IL27RA: variants seen among roughly 807,000 people sequenced by gnomAD.
The protein encoded by IL27RA is interleukin-27 receptor subunit alpha.
A neutral mutation model predicts 80.8 loss-of-function variants in IL27RA; 61 were observed. That is an observed-to-expected ratio of 0.76 (90% CI 0.61 to 0.93). IL27RA has a LOEUF of 0.93. IL27RA is among the 40% of genes least tolerant of loss of function. The pLI, the probability that IL27RA is intolerant of heterozygous loss-of-function variation, is 0.00. For synonymous variants in IL27RA, 316 were observed against 332.5 expected, an observed-to-expected ratio of 0.95 and a Z score of 0.54; for missense variants, 735 against 808.1, an observed-to-expected ratio of 0.91 and a Z score of 1.10.
At position 14,049,430 on chromosome 19, in the gene IL27RA, C is replaced by T. The variant is rs532926636; in HGVS notation, c.1402+116C>T. The T allele has an allele frequency of 1.1e-4, 101 of 941,020 alleles. No homozygotes were observed. In the East Asian group the frequency reaches 2.7e-3, roughly 25 times the overall value. The allele number at this position is 941,020 out of a possible 1,614,324, so 58.3% of individuals were successfully genotyped here. On this transcript the variant is annotated intron_variant, in intron 10 of 13. Transcript: ENST00000263379. ...TTGGCCCAGGGACCATACATGGTGT[C>T]CTCAATTCCCTCTTGGCTATCAATG...
chr19:14,032,934 G>C (rs1975844005), intron 2 of IL27RA, among the ~76,000 whole-genome samples: 1 of 151,448 alleles, frequency 6.6e-6, no homozygotes, highest in Non-Finnish European at 1.5e-5. Flanking sequence ...CCCTGGGCAA[G>C]TCACTTTCCC....
chr19:14,039,986 G>T, intron 4 of IL27RA, 76 bp downstream of exon 4: 1 of 1,437,270 alleles, frequency 7.0e-7, no homozygotes, highest in Non-Finnish European at 9.6e-7. Flanking sequence ...CTGAGACCCA[G>T]CCCAGGACTC....
intron 2 of IL27RA, among the ~76,000 whole-genome samples, chr19:14,035,439 A>C (rs1294117078): frequency 6.6e-6 from 1 of 151,862 alleles, no homozygotes; most frequent in African/African-American, 2.4e-5. Context: ...CTTGTTGCCC[A>C]GGCTGGAGTG....
In IL27RA at chr19:14,043,500, C is replaced by G. The variant is rs1044902328; in HGVS notation, c.768+711C>G. Among the ~76,000 whole-genome samples the G allele has an allele frequency of 2.0e-5, 3 of 151,832 alleles. No homozygotes were observed. The South Asian group carries it at 6.2e-4, about 31-fold the overall frequency. ...AGCAGCGTCATCTCATCTCAGCTCA[C>G]TGCAACCTCCACCTCCCAGGTTCAA... On this transcript the variant is annotated intron_variant, in intron 6 of 13. Coordinates refer to ENST00000263379, the MANE Select transcript of IL27RA (RefSeq NM_004843.4).
At chr19:14,047,778 C>T (rs1460989406) in intron 8 of IL27RA, among the ~76,000 whole-genome samples, 5 of 150,952 alleles carry the variant, frequency 3.3e-5, no homozygotes, top group African/African-American at 7.3e-5. Flanking sequence ...CTCAGCCTCC[C>T]GAGCAACTGG....
intron 12 of IL27RA, 74 bp downstream of exon 12, chr19:14,051,774 G>C: frequency 7.0e-7 from 1 of 1,431,764 alleles, no homozygotes; most frequent in Non-Finnish European, 9.8e-7. Context: ...CTTCCAGGGG[G>C]CTTGAAGGGA....
Position 14,042,438 on chromosome 19 carries a change from C to A in IL27RA, c.535-15C>A. On this transcript the variant is annotated splice_polypyrimidine_tract_variant and intron_variant, in intron 4 of 13. Coordinates refer to ENST00000263379, the MANE Select transcript of IL27RA (RefSeq NM_004843.4). The stretch of plus-strand genomic sequence containing the variant: ...CAGGCCCTGGGCCCATCACGCTCGC[C>A]TGTCTCTCCCCCAGCTGGAACCGGA... 2 of 1,612,446 alleles carry A rather than the reference C, an allele frequency of 1.2e-6. No individual in the cohort carries two copies. The highest frequency in any genetic ancestry group is 8.5e-7 in the Non-Finnish European group (1 of 1,178,908).
At chr19:14,046,374 G>A in intron 7 of IL27RA, 37 bp downstream of exon 7, 1 of 1,613,792 alleles carries the variant, frequency 6.2e-7, no homozygotes, top group Non-Finnish European at 8.5e-7. Context: ...CGGTGCCCTG[G>A]AGGGGTGGGA....
chr19:14,046,699 A>C, intron 8 of IL27RA, 81 bp downstream of exon 8: 1 of 1,348,794 alleles, frequency 7.4e-7, no homozygotes, highest in Non-Finnish European at 1.0e-6. Flanking sequence ...GAGTGCTATG[A>C]TTAAAGTAGC....
Position 14,039,864 on chromosome 19 carries a change from T to A in IL27RA, c.488T>A (p.Ile163Asn). The A allele has an allele frequency of 6.2e-7, 1 of 1,614,122 alleles. No individual in the cohort carries two copies. Among genetic ancestry groups the A allele is most frequent in the Non-Finnish European group, 8.5e-7 (1 of 1,180,022 alleles). The part of the protein sequence containing the change: ...PPTWPSHKVL[I>N]CQFHYRRCQE... ...ACATGGCCATCTCATAAAGTTCTGATCTGCCAGTTCCACTACCGAAGATGT... is the reference window on the plus strand; with the variant it reads ...ACATGGCCATCTCATAAAGTTCTGAACTGCCAGTTCCACTACCGAAGATGT... Residue 163 changes from isoleucine to asparagine, a missense_variant, in exon 4 of 14, where the codon ATC becomes AAC. By Grantham distance (149) the Ile-to-Asn change is moderately radical. Coordinates refer to ENST00000263379, the MANE Select transcript of IL27RA (RefSeq NM_004843.4).
chr19:14,033,751 G>C (rs1351185802), intron 2 of IL27RA, among the ~76,000 whole-genome samples: 2 of 152,012 alleles, frequency 1.3e-5, no homozygotes, highest in African/African-American at 4.8e-5. Context: ...CAGATCACGA[G>C]GTCAGGAGTT....
chr19:14,032,092 G>A, intron 1 of IL27RA, 120 bp downstream of exon 1: 1 of 890,782 alleles, frequency 1.1e-6, no homozygotes, highest in Non-Finnish European at 1.7e-6. Flanking sequence ...GGCGCCACTC[G>A]GCTCCTCCCG....
rs968464483 is a variant in IL27RA, at chr19:14,046,222, A to G, written c.837A>G (p.Pro279=). Residue 279 remains proline, a synonymous_variant, in exon 7 of 14, where the codon CCA becomes CCG. Transcript: ENST00000263379. ...GGGTTGGAGGTCGTGAGCTGAGTCC[A>G]GAAGGAATTACCTGCTGCTGCTCCC... is the stretch of plus-strand genomic sequence containing the variant. ...WFWVGGRELS[P]EGITCCCSLI... is the part of the protein sequence containing the mutation. The G allele has an allele frequency of 1.2e-6, 2 of 1,614,072 alleles. No individual in the cohort carries two copies. Among genetic ancestry groups the G allele is most frequent in the African/African-American group, 2.7e-5 (2 of 74,926 alleles).
At chr19:14,048,929 A>C (rs2145695982) in intron 8 of IL27RA, 52 bp from the exon 9 acceptor site, 1 of 1,482,320 alleles carries the variant, frequency 6.7e-7, no homozygotes, top group East Asian at 2.3e-5. Context: ...CTAGGAAATG[A>C]GCATGGGAAG....
intron 2 of IL27RA, among the ~76,000 whole-genome samples, chr19:14,033,283 G>T (rs905781213): frequency 1.3e-5 from 2 of 151,044 alleles, no homozygotes; most frequent in Non-Finnish European, 3.0e-5. Flanking sequence ...TTTTAGTAGA[G>T]GGGGGAGGTT....
At chr19:14,035,898 G>A (rs1047516236) in intron 2 of IL27RA, among the ~76,000 whole-genome samples, 4 of 151,372 alleles carry the variant, frequency 2.6e-5, no homozygotes, top group African/African-American at 9.7e-5. Flanking sequence ...TTCCCTCCTC[G>A]GCCTTCCCAG....
At chr19:14,051,531 G>T in intron 11 of IL27RA, 76 bp from the exon 12 acceptor site, 2 of 820,264 alleles carry the variant, frequency 2.4e-6, no homozygotes, top group South Asian at 3.3e-5. Flanking sequence ...GACAGGGCAA[G>T]ACTCTGTCTC....
intron 6 of IL27RA, among the ~76,000 whole-genome samples, chr19:14,045,615 A>T (rs1169918873): frequency 6.7e-6 from 1 of 148,884 alleles, no homozygotes; most frequent in Admixed American, 6.7e-5. Flanking sequence ...AAAAAAAAAA[A>T]GTTGATATTT....
chr19:14,042,898 G>A (rs1976013499), intron 6 of IL27RA, 109 bp downstream of exon 6: 3 of 994,166 alleles, frequency 3.0e-6, no homozygotes, highest in African/African-American at 1.6e-5. Context: ...CAACACTGCT[G>A]TGGGAGGCCG....
Sources: gnomAD v4.1 joint callset for allele counts (sites outside exome capture counted in the v4.1 genomes callset) on GRCh38, gnomAD v4.1.1 for gene constraint, MANE v1.5 for transcripts, NCBI Gene and HGNC (gene_info 2026-07-23, HGNC 2026-07-21) for gene names.